FHIT: variants seen among roughly 807,000 people sequenced by gnomAD.
FHIT encodes the protein bis(5'-adenosyl)-triphosphatase.
Under a neutral mutation model 17.9 loss-of-function variants are expected in FHIT, and 19 were observed. The ratio of observed to expected loss-of-function variants is 1.06; its 90% CI spans 0.74 to 1.56. FHIT has a LOEUF of 1.56. Ranked by LOEUF, FHIT falls within the 40% of genes most tolerant of loss-of-function variation. The pLI, the probability that FHIT is intolerant of heterozygous loss-of-function variation, is 0.00. For missense variants in FHIT, 248 were observed against 189.2 expected (o/e 1.31, Z -1.82); for synonymous variants, 81 against 69.7 (o/e 1.16, Z -0.81).
In FHIT at chr3:60,512,744, C is replaced by A. The variant is rs72883930; in HGVS notation, c.103+24116G>T. ...CTTGCCAAAAATGGTTTAAATGAAC[C>A]GAATCAGGAGAAAACAATGAGATGG... is the stretch of plus-strand genomic sequence containing the variant. On this transcript the variant is annotated intron_variant, in intron 5 of 9. Transcript: ENST00000492590. 3.4e-4 allele frequency among the ~76,000 whole-genome samples: 52 copies of A among 152,036 alleles called. No homozygotes were observed. The East Asian group carries it at 8.1e-3, about 24-fold the overall frequency.
At chr3:60,775,312 T>A (rs1700183132) in intron 4 of FHIT, among the ~76,000 whole-genome samples, 1 of 152,050 alleles carries the variant, frequency 6.6e-6, no homozygotes, top group Non-Finnish European at 1.5e-5. Context: ...GACAGCCAGG[T>A]GAGGAGGGGT....
intron 5 of FHIT, among the ~76,000 whole-genome samples, chr3:60,075,588 C>T (rs1304588211): frequency 2.6e-5 from 4 of 152,044 alleles, no homozygotes; most frequent in Admixed American, 2.0e-4. Context: ...TTCCATGCAA[C>T]TTCTCAGTAA....
intron 5 of FHIT, among the ~76,000 whole-genome samples, chr3:60,041,456 G>A (rs1280169724): frequency 6.6e-6 from 1 of 152,204 alleles, no homozygotes; most frequent in Non-Finnish European, 1.5e-5. Flanking sequence ...TACCGCCAAG[G>A]TTGGAATGAA....
intron 4 of FHIT, among the ~76,000 whole-genome samples, chr3:60,601,299 G>T (rs994116295): frequency 7.2e-5 from 11 of 152,136 alleles, no homozygotes; most frequent in Admixed American, 2.6e-4. Flanking sequence ...TTTCAGAGCT[G>T]CCTGAAAGCC....
At chr3:60,918,488 A>C (rs1465727721) in intron 3 of FHIT, among the ~76,000 whole-genome samples, 1 of 152,234 alleles carries the variant, frequency 6.6e-6, no homozygotes, top group East Asian at 1.9e-4. Context: ...TGACAACTAA[A>C]AAGAGTTAAT....
At chr3:60,033,089 T>C (rs1701069006) in intron 5 of FHIT, among the ~76,000 whole-genome samples, 1 of 152,118 alleles carries the variant, frequency 6.6e-6, no homozygotes, top group Non-Finnish European at 1.5e-5. Flanking sequence ...AATAACCTAA[T>C]ATAAGGTGTG....
chr3:60,251,406 G>C (rs1207927032), intron 5 of FHIT, among the ~76,000 whole-genome samples: 1 of 152,002 alleles, frequency 6.6e-6, no homozygotes, highest in Admixed American at 6.6e-5. Flanking sequence ...CAACCACCCT[G>C]AGAAAAAAGT....
chr3:60,558,119 G>A (rs188864567), intron 4 of FHIT, among the ~76,000 whole-genome samples: 12 of 152,146 alleles, frequency 7.9e-5, no homozygotes, highest in African/African-American at 2.2e-4. Flanking sequence ...TACCTGTGTC[G>A]TCTTTGCCTT....
At chr3:60,307,983 C>T (rs760324) in intron 5 of FHIT, among the ~76,000 whole-genome samples, 84,683 of 152,028 alleles carry the variant, frequency 0.56, 24,580 homozygotes, top group East Asian at 0.96. Flanking sequence ...GCCTTATGTG[C>T]TGACTCACTG....
chr3:60,247,768 C>T (rs1399621941), intron 5 of FHIT, among the ~76,000 whole-genome samples: 2 of 152,100 alleles, frequency 1.3e-5, no homozygotes, highest in Admixed American at 6.6e-5. Context: ...CCTCAGTTTC[C>T]TCATCTCTAA....
chr3:60,329,318 G>A (rs9874243), intron 5 of FHIT, among the ~76,000 whole-genome samples: 4,204 of 152,208 alleles, frequency 0.028, 196 homozygotes, highest in African/African-American at 0.092. Flanking sequence ...AAAAACAGCT[G>A]AAAGCAGCCT....
intron 2 of FHIT, among the ~76,000 whole-genome samples, chr3:61,170,097 AG>A (rs2037959532): frequency 6.6e-6 from 1 of 152,326 alleles, no homozygotes; most frequent in South Asian, 2.1e-4. Context: ...AGTTGAGAAA[AG>A]GGCTCAGAGG....
intron 5 of FHIT, among the ~76,000 whole-genome samples, chr3:60,307,989 C>T (rs956743468): frequency 3.9e-5 from 6 of 152,166 alleles, no homozygotes; most frequent in African/African-American, 1.4e-4. Flanking sequence ...TGTGCTGACT[C>T]ACTGAATCCT....
At chr3:59,810,098 G>A (rs944913655) in intron 8 of FHIT, among the ~76,000 whole-genome samples, 4 of 152,080 alleles carry the variant, frequency 2.6e-5, no homozygotes, top group African/African-American at 2.4e-5. Context: ...TGCCTCTTAC[G>A]GGGATTGTGA....
At chr3:61,150,177 C>T (rs183937210) in intron 2 of FHIT, among the ~76,000 whole-genome samples, 1 of 152,222 alleles carries the variant, frequency 6.6e-6, no homozygotes, top group East Asian at 1.9e-4. Flanking sequence ...TCAGAGAAGA[C>T]AGCCAAAGAA....
chr3:60,857,414 T>C (rs1947160), intron 3 of FHIT, among the ~76,000 whole-genome samples: 30,550 of 152,134 alleles, frequency 0.2, 3,318 homozygotes, highest in Middle Eastern at 0.27. Context: ...TCACTACTTA[T>C]CAGCTGTGTG....
At position 60,412,731 on chromosome 3, in the gene FHIT, A is replaced by G. The variant is rs535844481; in HGVS notation, c.103+124129T>C. On this transcript the variant is annotated intron_variant, in intron 5 of 9. Transcript: ENST00000492590. ...TGGTTTGGCTCTGTGTCCCCACCTA[A>G]ATCTCATTTTGAATTGTAATTTCCC... Among the ~76,000 whole-genome samples the G allele has an allele frequency of 4.6e-5, 7 of 152,296 alleles. No homozygotes were observed. In the East Asian group the frequency reaches 9.6e-4, roughly 21 times the overall value.
chr3:59,963,869 A>T (rs2107355086), intron 7 of FHIT, among the ~76,000 whole-genome samples: 1 of 152,370 alleles, frequency 6.6e-6, no homozygotes, highest in South Asian at 2.1e-4. Context: ...TTAACAGAAC[A>T]CAATTTAAAA....
At chr3:60,629,435 T>C (rs781999809) in intron 4 of FHIT, among the ~76,000 whole-genome samples, 1 of 152,202 alleles carries the variant, frequency 6.6e-6, no homozygotes, top group Non-Finnish European at 1.5e-5. Context: ...TCATCAGTTA[T>C]GGATGTTTTC....
Sources: gnomAD v4.1 joint callset for allele counts (sites outside exome capture counted in the v4.1 genomes callset) on GRCh38, gnomAD v4.1.1 for gene constraint, MANE v1.5 for transcripts, NCBI Gene and HGNC (gene_info 2026-07-23, HGNC 2026-07-21) for gene names.